ITGBL1: variants seen among roughly 807,000 people sequenced by gnomAD.
ITGBL1 encodes integrin beta-like protein 1.
ITGBL1 carries 51 observed loss-of-function variants against 68.5 expected under a neutral mutation model. The observed-to-expected ratio is 0.74, with a 90% CI of 0.59 to 0.94. The LOEUF is 0.94. Ranked by LOEUF, ITGBL1 falls within the 40% of genes least tolerant of loss-of-function variation. The pLI, the probability that ITGBL1 is intolerant of heterozygous loss-of-function variation, is 0.00. For synonymous variants in ITGBL1, 209 were observed against 227.3 expected (o/e 0.92, Z 0.72); for missense variants, 649 against 647.4 (o/e 1.00, Z -0.03).
intron 2 of ITGBL1, among the ~76,000 whole-genome samples, chr13:101,456,266 A>G (rs1297219684): frequency 1.3e-5 from 2 of 152,096 alleles, no homozygotes; most frequent in Non-Finnish European, 2.9e-5. Flanking sequence ...GCCCATCAAA[A>G]CTTACTCTAC....
intron 2 of ITGBL1, among the ~76,000 whole-genome samples, chr13:101,535,359 G>C (rs569461572): frequency 8.5e-5 from 13 of 152,190 alleles, no homozygotes; most frequent in Non-Finnish European, 1.8e-4. Context: ...AGCTCCAGGA[G>C]GCTGTGTTCT....
At chr13:101,688,803 A>G (rs1201891623) in intron 7 of ITGBL1, among the ~76,000 whole-genome samples, 1 of 152,222 alleles carries the variant, frequency 6.6e-6, no homozygotes, top group South Asian at 2.1e-4. Flanking sequence ...ATACCATTTC[A>G]AATTCAAGTT....
In ITGBL1 at chr13:101,452,805, G is replaced by A. The variant is rs562071366; in HGVS notation, c.-29G>A. On this transcript the variant is annotated 5_prime_UTR_variant, in exon 1 of 11. Transcript: ENST00000376180. ...GTGAACCCCACCTTGCAGAAGTGCA[G>A]CTCGCCCGGAGCAGCCCAGGAGCTC... is the stretch of plus-strand genomic sequence containing the variant. 2 of 1,597,648 alleles carry A rather than the reference G, an allele frequency of 1.3e-6. No homozygotes were observed. The highest frequency in any genetic ancestry group is 1.7e-6 in the Non-Finnish European group (2 of 1,165,506).
At chr13:101,642,223 T>C (rs1237431403) in intron 7 of ITGBL1, among the ~76,000 whole-genome samples, 1 of 152,022 alleles carries the variant, frequency 6.6e-6, no homozygotes, top group Non-Finnish European at 1.5e-5. Context: ...CTCCAGCACT[T>C]GTTGTTTCCT....
chr13:101,490,462 A>G (rs931168800), intron 2 of ITGBL1, among the ~76,000 whole-genome samples: 4 of 152,268 alleles, frequency 2.6e-5, no homozygotes, highest in Non-Finnish European at 5.9e-5. Context: ...AATAAAGAAC[A>G]GTCTAACCCT....
At chr13:101,605,700 A>G (rs1214989629) in intron 7 of ITGBL1, among the ~76,000 whole-genome samples, 2 of 151,462 alleles carry the variant, frequency 1.3e-5, no homozygotes, top group Admixed American at 6.6e-5. Context: ...ACGTATGTAG[A>G]CTTATGTATG....
chr13:101,548,062 A>C (rs575635822), intron 2 of ITGBL1, among the ~76,000 whole-genome samples: 86 of 130,864 alleles, frequency 6.6e-4, no homozygotes, highest in Middle Eastern at 4.0e-3. Flanking sequence ...TTAAAACAAG[A>C]CAAAGTGTTT....
intron 2 of ITGBL1, among the ~76,000 whole-genome samples, chr13:101,540,340 T>C (rs2139183536): frequency 6.6e-6 from 1 of 152,356 alleles, no homozygotes; most frequent in Non-Finnish European, 1.5e-5. Flanking sequence ...TTTTGTCAGG[T>C]ATGTCAAAGA....
intron 6 of ITGBL1, among the ~76,000 whole-genome samples, chr13:101,592,412 T>C (rs961479936): frequency 2.0e-5 from 3 of 152,118 alleles, no homozygotes; most frequent in African/African-American, 7.2e-5. Flanking sequence ...TTATCTGCGG[T>C]CGTGTCAAAA....
intron 7 of ITGBL1, among the ~76,000 whole-genome samples, chr13:101,632,023 A>T (rs1245608747): frequency 1.3e-5 from 2 of 152,082 alleles, no homozygotes; most frequent in Non-Finnish European, 2.9e-5. Flanking sequence ...AAAAAAAGCA[A>T]AAACTATAAA....
chr13:101,483,121 C>G (rs1272237518), intron 2 of ITGBL1, among the ~76,000 whole-genome samples: 1 of 152,186 alleles, frequency 6.6e-6, no homozygotes, highest in African/African-American at 2.4e-5. Context: ...GCCCCACACC[C>G]AGGCTTCACA....
intron 6 of ITGBL1, among the ~76,000 whole-genome samples, chr13:101,586,381 T>C (rs1052788091): frequency 1.3e-5 from 2 of 152,190 alleles, no homozygotes; most frequent in South Asian, 4.1e-4. Context: ...CATGGCCAGC[T>C]TTCCACAGCT....
At position 101,490,674 on chromosome 13, in the gene ITGBL1, C is replaced by T. The variant is rs973039857; in HGVS notation, c.316+36574C>T. 4.0e-4 allele frequency among the ~76,000 whole-genome samples: 61 copies of T among 152,260 alleles called. 1 individual carries two copies. Among genetic ancestry groups the T allele is most frequent in the African/African-American group, 1.4e-3 (60 of 41,562 alleles). On this transcript the variant is annotated intron_variant, in intron 2 of 10. Coordinates refer to ENST00000376180, the MANE Select transcript of ITGBL1 (RefSeq NM_004791.3). ...CTGAAGACAGGAAATTGGAAATGGGCACAGAGAAGAGGCTAAACTACAAAT... is the reference window on the plus strand; with the variant it reads ...CTGAAGACAGGAAATTGGAAATGGGTACAGAGAAGAGGCTAAACTACAAAT...
At chr13:101,623,858 C>A (rs1350408230) in intron 7 of ITGBL1, among the ~76,000 whole-genome samples, 4 of 152,184 alleles carry the variant, frequency 2.6e-5, no homozygotes, top group African/African-American at 9.7e-5. Context: ...GGTATACCTT[C>A]TGGCCTTCTG....
intron 2 of ITGBL1, among the ~76,000 whole-genome samples, chr13:101,506,859 A>G (rs2049034403): frequency 6.6e-6 from 1 of 152,190 alleles, no homozygotes; most frequent in Admixed American, 6.5e-5. Context: ...CAAATTTCCA[A>G]GAACTGTGGA....
chr13:101,567,182 G>A (rs574257518), intron 2 of ITGBL1, among the ~76,000 whole-genome samples: 3 of 152,080 alleles, frequency 2.0e-5, no homozygotes, highest in South Asian at 2.1e-4. Context: ...AAATATATAC[G>A]TATTTTATGT....
chr13:101,541,741 T>C (rs1390580084), intron 2 of ITGBL1, among the ~76,000 whole-genome samples: 1 of 152,224 alleles, frequency 6.6e-6, no homozygotes, highest in East Asian at 1.9e-4. Flanking sequence ...GAGCCTATTA[T>C]TGGTCTCTTC....
intron 7 of ITGBL1, among the ~76,000 whole-genome samples, chr13:101,652,822 G>T (rs1466522303): frequency 6.6e-6 from 1 of 152,140 alleles, no homozygotes; most frequent in African/African-American, 2.4e-5. Context: ...GAGCGGCCGG[G>T]TGTGGTGGCT....
chr13:101,456,319 G>A (rs763543828), intron 2 of ITGBL1, among the ~76,000 whole-genome samples: 3 of 152,190 alleles, frequency 2.0e-5, no homozygotes, highest in Non-Finnish European at 4.4e-5. Context: ...CCCTGACCAC[G>A]TTTGTGGGGC....
Sources: allele counts gnomAD v4.1 joint callset (sites outside exome capture counted in the v4.1 genomes callset), GRCh38; gene constraint gnomAD v4.1.1; transcripts MANE v1.5; gene names NCBI Gene and HGNC (gene_info 2026-07-23, HGNC 2026-07-21).